Variants in FOXP2 observed in about 807,000 individuals in gnomAD.
The protein encoded by FOXP2 is forkhead box P2.
In FOXP2, 12 loss-of-function variants were observed where a neutral mutation model predicts 115.8. That is an observed-to-expected ratio of 0.10 (90% CI 0.07 to 0.17). The LOEUF (loss-of-function observed/expected upper bound fraction) is 0.17, where lower values mean the gene tolerates loss of function less well. Ranked by LOEUF, FOXP2 falls within the 10% of genes least tolerant of loss-of-function variation. The probability of loss-of-function intolerance (pLI) is 1.00; values close to 1 mark genes in which losing one functional copy is unlikely to be tolerated. For missense variants in FOXP2, 629 were observed against 843.5 expected, an observed-to-expected ratio of 0.75 and a Z score of 3.15; for synonymous variants, 328 against 297.7, an observed-to-expected ratio of 1.10 and a Z score of -1.05.
chr7:114,663,434 A>G lies in FOXP2; in HGVS notation c.1770-16A>G, dbSNP rs774018063. On this transcript the variant is annotated splice_polypyrimidine_tract_variant and intron_variant, in intron 14 of 16. Coordinates refer to ENST00000350908, the MANE Select transcript of FOXP2 (RefSeq NM_014491.4). ...ATTTTGACGTATAAATGATCTTTATATATTTTTTTTTTCAGAAGTCCAACC... is the reference window on the plus strand; with the variant it reads ...ATTTTGACGTATAAATGATCTTTATGTATTTTTTTTTTCAGAAGTCCAACC... 2.7e-6 allele frequency: 4 copies of G among 1,508,852 alleles called. No homozygotes were observed. Among genetic ancestry groups the G allele is most frequent in the African/African-American group, 2.8e-5 (2 of 72,514 alleles). 93.5% of individuals were successfully genotyped at this position (1,508,852 alleles called of 1,614,324 possible). A position where few individuals can be genotyped will look rare whatever the true frequency, so the allele number is the denominator to read the frequency against.
intron 2 of FOXP2, among the ~76,000 whole-genome samples, chr7:114,531,857 C>A (rs770469573): frequency 1.3e-5 from 2 of 151,808 alleles, no homozygotes; most frequent in Admixed American, 6.6e-5. Context: ...CTTTGATGAG[C>A]AAAACTTGTA....
At chr7:114,307,190 A>T (rs552474925) in intron 2 of FOXP2, among the ~76,000 whole-genome samples, 1 of 152,216 alleles carries the variant, frequency 6.6e-6, no homozygotes, top group African/African-American at 2.4e-5. Context: ...TTTGACTGAC[A>T]GGGGTTAGGA....
intron 1 of FOXP2, among the ~76,000 whole-genome samples, chr7:114,117,720 A>T (rs1322281115): frequency 6.6e-6 from 1 of 152,148 alleles, no homozygotes; most frequent in East Asian, 1.9e-4. Flanking sequence ...CCAGTGTCTT[A>T]GCTTGGGCTG....
chr7:114,438,166 A>G (rs1051987594), intron 2 of FOXP2, among the ~76,000 whole-genome samples: 1 of 152,180 alleles, frequency 6.6e-6, no homozygotes, highest in African/African-American at 2.4e-5. Context: ...TCTACAATCT[A>G]GAAGTCCGTG....
intron 3 of FOXP2, among the ~76,000 whole-genome samples, chr7:114,569,872 A>C (rs1325357187): frequency 6.6e-6 from 1 of 151,924 alleles, no homozygotes; most frequent in Non-Finnish European, 1.5e-5. Context: ...TAATATTTAC[A>C]TGCATCAAAC....
intron 2 of FOXP2, among the ~76,000 whole-genome samples, chr7:114,364,635 A>G (rs1490433238): frequency 6.6e-6 from 1 of 152,186 alleles, no homozygotes; most frequent in Non-Finnish European, 1.5e-5. Flanking sequence ...ACTATATTTG[A>G]CAAATAATGT....
intron 1 of FOXP2, among the ~76,000 whole-genome samples, chr7:114,416,744 AC>A (rs1793364708): frequency 6.6e-6 from 1 of 151,956 alleles, no homozygotes; most frequent in Admixed American, 6.6e-5. Flanking sequence ...AAGTTTGGAA[AC>A]AAAGTATACT....
At chr7:114,350,230 T>A (rs1584657401) in intron 2 of FOXP2, among the ~76,000 whole-genome samples, 2 of 152,084 alleles carry the variant, frequency 1.3e-5, no homozygotes, top group African/African-American at 4.8e-5. Context: ...GCTGCACCCA[T>A]CAACCCATCA....
chr7:114,530,246 A>G (rs1318498770), intron 2 of FOXP2, among the ~76,000 whole-genome samples: 1 of 151,930 alleles, frequency 6.6e-6, no homozygotes, highest in East Asian at 1.9e-4. Context: ...ATCTATTTTC[A>G]TAAGAAGCCT....
intron 2 of FOXP2, among the ~76,000 whole-genome samples, chr7:114,518,190 A>G (rs748813078): frequency 1.3e-5 from 2 of 152,140 alleles, no homozygotes; most frequent in Non-Finnish European, 2.9e-5. Flanking sequence ...TTTTATACCA[A>G]TGTATATATA....
At chr7:114,199,662 A>G (rs1164841391) in intron 1 of FOXP2, among the ~76,000 whole-genome samples, 1 of 152,226 alleles carries the variant, frequency 6.6e-6, no homozygotes, top group Non-Finnish European at 1.5e-5. Context: ...TTGAATGTTT[A>G]CATTGAGACC....
At chr7:114,585,181 TA>T (rs1802070884) in intron 3 of FOXP2, among the ~76,000 whole-genome samples, 1 of 152,130 alleles carries the variant, frequency 6.6e-6, no homozygotes, top group Non-Finnish European at 1.5e-5. Flanking sequence ...AGTGAGACAT[TA>T]AGGAATGGAT....
intron 1 of FOXP2, among the ~76,000 whole-genome samples, chr7:114,128,932 CT>C (rs1714022762): frequency 6.6e-6 from 1 of 152,072 alleles, no homozygotes; most frequent in African/African-American, 2.4e-5. Flanking sequence ...CCTTATTTCC[CT>C]TTTCATCCTC....
intron 3 of FOXP2, among the ~76,000 whole-genome samples, chr7:114,619,474 T>C (rs1804120001): frequency 6.6e-6 from 1 of 152,122 alleles, no homozygotes; most frequent in Non-Finnish European, 1.5e-5. Flanking sequence ...ATCTAGAAAC[T>C]TAAATCTGCA....
chr7:114,438,527 A>G (rs1330868631), intron 2 of FOXP2, among the ~76,000 whole-genome samples: 4 of 151,690 alleles, frequency 2.6e-5, no homozygotes, highest in Non-Finnish European at 2.9e-5. Flanking sequence ...AAATAAAATA[A>G]CAATAAAAAT....
chr7:114,261,547 G>C (rs1446729314), intron 1 of FOXP2, among the ~76,000 whole-genome samples: 1 of 152,140 alleles, frequency 6.6e-6, no homozygotes, highest in African/African-American at 2.4e-5. Flanking sequence ...TTTAGAGTCA[G>C]AAAGCTCTGG....
chr7:114,309,404 G>C (rs985865837), intron 2 of FOXP2, among the ~76,000 whole-genome samples: 5 of 152,172 alleles, frequency 3.3e-5, no homozygotes, highest in Non-Finnish European at 7.4e-5. Flanking sequence ...TGTAAGTCTG[G>C]CATGCAGTGG....
At chr7:114,609,981 G>C (rs1584948545) in intron 3 of FOXP2, among the ~76,000 whole-genome samples, 1 of 152,224 alleles carries the variant, frequency 6.6e-6, no homozygotes, top group Admixed American at 6.5e-5. Flanking sequence ...TTATCACTTG[G>C]AGACAAGGAG....
At chr7:114,163,227 A>G (rs1181182915) in intron 1 of FOXP2, 3 of 152,084 alleles carry the variant, frequency 2.0e-5, no homozygotes, top group East Asian at 1.9e-4. Flanking sequence ...GTAACTTCTA[A>G]GTTTTGATTT....
Sources: gnomAD v4.1 joint callset for allele counts (sites outside exome capture counted in the v4.1 genomes callset) on GRCh38, gnomAD v4.1.1 for gene constraint, MANE v1.5 for transcripts, NCBI Gene and HGNC (gene_info 2026-07-23, HGNC 2026-07-21) for gene names.